The following COL25A1 variants were observed in gnomAD, a reference collection of about 807,000 sequenced individuals.
COL25A1 encodes collagen type XXV alpha 1 chain.
A neutral mutation model predicts 128.4 loss-of-function variants in COL25A1; 103 were observed. The ratio of observed to expected loss-of-function variants is 0.80; its 90% CI spans 0.68 to 0.94. COL25A1 has a LOEUF of 0.94. Among genes scored for constraint, COL25A1 ranks in the 40% least tolerant of loss-of-function variants. The pLI is 0.00. For missense variants in COL25A1, 745 were observed against 840.0 expected (o/e 0.89, Z 1.40); for synonymous variants, 279 against 277.2 (o/e 1.01, Z -0.06).
At chr4:109,171,131 T>C (rs948503936) in intron 3 of COL25A1, among the ~76,000 whole-genome samples, 4 of 151,946 alleles carry the variant, frequency 2.6e-5, no homozygotes, top group Admixed American at 6.6e-5. Context: ...AAAGGTCACA[T>C]GGGCAGAACT....
chr4:109,072,237 A>G (rs928255251), intron 3 of COL25A1, among the ~76,000 whole-genome samples: 1 of 152,130 alleles, frequency 6.6e-6, no homozygotes. Flanking sequence ...GAGTCTCCAT[A>G]CCTATGTCAC....
chr4:108,832,688 T>C (rs1440627683), intron 31 of COL25A1: 2 of 347,366 alleles, frequency 5.8e-6, no homozygotes, highest in Admixed American at 4.5e-5. Flanking sequence ...ATTATATCTT[T>C]TTCCTCTGAC....
intron 3 of COL25A1, among the ~76,000 whole-genome samples, chr4:109,147,612 T>A (rs979376976): frequency 6.6e-6 from 1 of 151,864 alleles, no homozygotes; most frequent in African/African-American, 2.4e-5. Flanking sequence ...AGGTCAGGAG[T>A]TCGAGACCAG....
intron 3 of COL25A1, among the ~76,000 whole-genome samples, chr4:109,112,981 A>C: frequency 6.6e-6 from 1 of 152,122 alleles, no homozygotes; most frequent in East Asian, 1.9e-4. Context: ...GTCAAGTTTA[A>C]CTCTGATTGA....
intron 11 of COL25A1, among the ~76,000 whole-genome samples, chr4:108,936,457 C>T (rs915012418): frequency 2.0e-5 from 3 of 152,088 alleles, no homozygotes; most frequent in African/African-American, 7.2e-5. Context: ...GTGCCAGCTG[C>T]TCAGGAAACT....
At chr4:108,904,918 T>TAA (rs923274014) in intron 13 of COL25A1, among the ~76,000 whole-genome samples, 19 of 138,858 alleles carry the variant, frequency 1.4e-4, no homozygotes, top group African/African-American at 3.0e-4. Context: ...ATTTTTTTTT[T>TAA]AAAAAAACAA....
At chr4:109,040,252 C>T (rs1318866753) in intron 5 of COL25A1, among the ~76,000 whole-genome samples, 1 of 152,080 alleles carries the variant, frequency 6.6e-6, no homozygotes, top group African/African-American at 2.4e-5. Context: ...AAACACAGCA[C>T]TTAGTTAACT....
chr4:108,971,508 C>T (rs1751910840), intron 8 of COL25A1, among the ~76,000 whole-genome samples: 1 of 152,196 alleles, frequency 6.6e-6, no homozygotes, highest in African/African-American at 2.4e-5. Context: ...ATAAGAAGAA[C>T]CCAATCACAA....
intron 32 of COL25A1, among the ~76,000 whole-genome samples, chr4:108,829,091 C>A (rs1012543468): frequency 6.6e-6 from 1 of 152,134 alleles, no homozygotes; most frequent in Non-Finnish European, 1.5e-5. Context: ...GCACAGTGGC[C>A]AGATTTTAAA....
At chr4:108,946,705 G>A (rs761823897) in intron 8 of COL25A1, among the ~76,000 whole-genome samples, 1 of 152,070 alleles carries the variant, frequency 6.6e-6, no homozygotes, top group East Asian at 1.9e-4. Flanking sequence ...AAGTTGGCGG[G>A]GGGGCTACAA....
intron 3 of COL25A1, among the ~76,000 whole-genome samples, chr4:109,150,028 A>G (rs1401015790): frequency 6.8e-6 from 1 of 148,000 alleles, no homozygotes; most frequent in Non-Finnish European, 1.5e-5. Flanking sequence ...ATCTGTGTGT[A>G]TGTGTATGTA....
chr4:108,863,248 G>T, intron 21 of COL25A1, 71 bp downstream of exon 21: 1 of 1,436,808 alleles, frequency 7.0e-7, no homozygotes, highest in Non-Finnish European at 9.8e-7. Context: ...TAAGAATGTT[G>T]TTTTAGTTTT....
chr4:108,875,763 A>G (rs924946063), intron 19 of COL25A1, among the ~76,000 whole-genome samples: 1 of 152,184 alleles, frequency 6.6e-6, no homozygotes, highest in Admixed American at 6.5e-5. Context: ...ACATGCACAC[A>G]TATGTTTATT....
chr4:109,185,142 A>T (rs1230022255), intron 3 of COL25A1, among the ~76,000 whole-genome samples: 1 of 152,202 alleles, frequency 6.6e-6, no homozygotes, highest in African/African-American at 2.4e-5. Context: ...TTTTTCCCTA[A>T]TTATGTATTT....
At chr4:109,180,920 T>A (rs908594226) in intron 3 of COL25A1, among the ~76,000 whole-genome samples, 12 of 152,150 alleles carry the variant, frequency 7.9e-5, no homozygotes, top group Non-Finnish European at 2.9e-5. Flanking sequence ...TTTCTAGAGA[T>A]ATATCTTTTT....
At chr4:109,153,592 CCAA>C (rs1310540355) in intron 3 of COL25A1, among the ~76,000 whole-genome samples, 1 of 152,058 alleles carries the variant, frequency 6.6e-6, no homozygotes, top group African/African-American at 2.4e-5. Context: ...CTTAGTGTCA[CCAA>C]CAACAACAAA....
At chr4:108,894,926 G>A (rs552525744) in intron 16 of COL25A1, among the ~76,000 whole-genome samples, 30 of 152,284 alleles carry the variant, frequency 2.0e-4, no homozygotes, top group African/African-American at 3.1e-4. Flanking sequence ...CCCAGGTAAC[G>A]TTTGACAATA....
intron 20 of COL25A1, among the ~76,000 whole-genome samples, chr4:108,868,811 G>C (rs892176891): frequency 7.7e-6 from 1 of 129,036 alleles, no homozygotes; most frequent in Non-Finnish European, 1.6e-5. Context: ...AAGGAAAGAA[G>C]GAAGGAAAGG....
intron 3 of COL25A1, among the ~76,000 whole-genome samples, chr4:109,202,313 T>A (rs1776613874): frequency 6.6e-6 from 1 of 151,828 alleles, no homozygotes; most frequent in African/African-American, 2.4e-5. Flanking sequence ...CACACAAATA[T>A]AGCCAATTGA....
Sources: gnomAD v4.1 joint callset for allele counts (sites outside exome capture counted in the v4.1 genomes callset) on GRCh38, gnomAD v4.1.1 for gene constraint, MANE v1.5 for transcripts, NCBI Gene and HGNC (gene_info 2026-07-23, HGNC 2026-07-21) for gene names.